Variants in SPON1 observed in about 807,000 individuals in gnomAD.
The protein encoded by SPON1 is spondin-1.
A neutral mutation model predicts 111.7 loss-of-function variants in SPON1; 52 were observed. The observed-to-expected ratio is 0.47, with a 90% CI of 0.37 to 0.59. The LOEUF (loss-of-function observed/expected upper bound fraction) is 0.59, where lower values mean the gene tolerates loss of function less well. SPON1 is among the 20% of genes least tolerant of loss of function. The pLI is 0.00. For synonymous variants in SPON1, 410 were observed against 395.8 expected (o/e 1.04, Z -0.43); for missense variants, 957 against 1,068.5 (o/e 0.90, Z 1.46).
chr11:14,256,738 A>T (rs1334590428), intron 10 of SPON1, 46 bp downstream of exon 10: 1 of 1,487,920 alleles, frequency 6.7e-7, no homozygotes, highest in Non-Finnish European at 9.3e-7. Context: ...AATTGACATA[A>T]CCCTTTGAGA....
chr11:14,061,564 C>T (rs572077552), intron 3 of SPON1, among the ~76,000 whole-genome samples: 5 of 152,304 alleles, frequency 3.3e-5, no homozygotes, highest in Admixed American at 3.3e-4. Flanking sequence ...ATATCACTTC[C>T]AGTAAATCAT....
At chr11:13,994,688 G>T (rs1348829780) in intron 2 of SPON1, among the ~76,000 whole-genome samples, 2 of 152,226 alleles carry the variant, frequency 1.3e-5, no homozygotes, top group Non-Finnish European at 2.9e-5. Context: ...GAGAGATTTG[G>T]ATTTATGGCA....
intron 6 of SPON1, among the ~76,000 whole-genome samples, chr11:14,156,712 T>G (rs2133871197): frequency 6.6e-6 from 1 of 152,270 alleles, no homozygotes; most frequent in African/African-American, 2.4e-5. Context: ...TTTCTACATA[T>G]GGCTAGCCAG....
chr11:14,245,092 G>A (rs1848974056), intron 7 of SPON1, among the ~76,000 whole-genome samples: 1 of 152,190 alleles, frequency 6.6e-6, no homozygotes, highest in Admixed American at 6.5e-5. Flanking sequence ...ACAATGTGAG[G>A]AATGTGTGAG....
At position 14,041,658 on chromosome 11, in the gene SPON1, A is replaced by T; in HGVS notation, c.479+4A>T. On this transcript the variant is annotated splice_donor_region_variant and intron_variant, in intron 3 of 15. Transcript: ENST00000576479. Reference sequence around the variant, plus strand: ...GAACAGGCTGCGTGATTCTGAAGTAAGTAAACATGGAATCCTTCCCTGCAG... The same window carrying T: ...GAACAGGCTGCGTGATTCTGAAGTATGTAAACATGGAATCCTTCCCTGCAG... 1 of 1,613,752 alleles carries T rather than the reference A, an allele frequency of 6.2e-7. No homozygotes were observed. Among genetic ancestry groups the T allele is most frequent in the South Asian group, 1.1e-5 (1 of 91,066 alleles).
At chr11:14,063,305 TC>T (rs1404683285) in intron 3 of SPON1, among the ~76,000 whole-genome samples, 4 of 152,132 alleles carry the variant, frequency 2.6e-5, no homozygotes, top group African/African-American at 9.7e-5. Flanking sequence ...TAAAAAAAAT[TC>T]ATCATTTACA....
chr11:14,128,113 A>G (rs1049678330), intron 5 of SPON1, among the ~76,000 whole-genome samples: 9 of 152,130 alleles, frequency 5.9e-5, no homozygotes, highest in African/African-American at 1.9e-4. Context: ...GACCCTCCCA[A>G]ATCTCATGTC....
chr11:14,200,912 G>A (rs1848455355), intron 6 of SPON1, among the ~76,000 whole-genome samples: 1 of 151,278 alleles, frequency 6.6e-6, no homozygotes, highest in Non-Finnish European at 1.5e-5. Flanking sequence ...GAGGATGGTG[G>A]CCGGAAGTTG....
At chr11:13,992,365 A>G (rs1240564733) in intron 2 of SPON1, among the ~76,000 whole-genome samples, 1 of 152,042 alleles carries the variant, frequency 6.6e-6, no homozygotes, top group Non-Finnish European at 1.5e-5. Context: ...TGACCATAAA[A>G]CTGTCTACTC....
intron 6 of SPON1, among the ~76,000 whole-genome samples, chr11:14,171,349 G>A (rs1591398321): frequency 6.6e-6 from 1 of 152,060 alleles, no homozygotes; most frequent in East Asian, 1.9e-4. Flanking sequence ...TATCCCCTTT[G>A]TCATTTTTTA....
intron 2 of SPON1, among the ~76,000 whole-genome samples, chr11:14,003,504 G>A (rs1228766735): frequency 6.6e-6 from 1 of 152,098 alleles, no homozygotes; most frequent in African/African-American, 2.4e-5. Flanking sequence ...CTTTGTCAGT[G>A]TCTGGGAATG....
At chr11:14,245,503 G>A (rs150017751) in intron 7 of SPON1, among the ~76,000 whole-genome samples, 472 of 152,296 alleles carry the variant, frequency 3.1e-3, no homozygotes, top group South Asian at 8.9e-3. Context: ...AAATGTTAGG[G>A]TGAGGAATGG....
chr11:14,006,042 G>A (rs992190038), intron 2 of SPON1, among the ~76,000 whole-genome samples: 2 of 152,104 alleles, frequency 1.3e-5, no homozygotes, highest in African/African-American at 2.4e-5. Flanking sequence ...ATTATTATTA[G>A]GGTAACATTA....
chr11:14,098,654 G>C (rs1281270108), intron 5 of SPON1, among the ~76,000 whole-genome samples: 1 of 6,384 alleles, frequency 1.6e-4, no homozygotes, highest in Non-Finnish European at 2.9e-4. Context: ...ATGAAAGGCA[G>C]AGAGAGAGAG....
At chr11:14,175,938 C>T (rs1591400364) in intron 6 of SPON1, among the ~76,000 whole-genome samples, 1 of 152,292 alleles carries the variant, frequency 6.6e-6, no homozygotes, top group East Asian at 1.9e-4. Flanking sequence ...ACACACATAA[C>T]AAAACAGACA....
At chr11:14,220,103 A>AAAC (rs1848665502) in intron 6 of SPON1, among the ~76,000 whole-genome samples, 1 of 151,970 alleles carries the variant, frequency 6.6e-6, no homozygotes, top group African/African-American at 2.4e-5. Flanking sequence ...AAAAAAAAAA[A>AAAC]AAACTTTCCT....
At chr11:14,069,696 G>A (rs1848860228) in intron 3 of SPON1, among the ~76,000 whole-genome samples, 1 of 152,078 alleles carries the variant, frequency 6.6e-6, no homozygotes, top group Non-Finnish European at 1.5e-5. Flanking sequence ...TTCAGCATAT[G>A]TTTTTGAGTG....
chr11:14,247,834 G>T (rs1849009447), intron 7 of SPON1, among the ~76,000 whole-genome samples: 1 of 152,232 alleles, frequency 6.6e-6, no homozygotes, highest in African/African-American at 2.4e-5. Context: ...TTTCCAGTTA[G>T]AGGTGTTAAG....
chr11:14,214,852 G>T (rs1241283750), intron 6 of SPON1, among the ~76,000 whole-genome samples: 1 of 152,136 alleles, frequency 6.6e-6, no homozygotes, highest in African/African-American at 2.4e-5. Context: ...GAGGATGAAG[G>T]GGATGTGTTT....
Sources: allele counts gnomAD v4.1 joint callset (sites outside exome capture counted in the v4.1 genomes callset), GRCh38; gene constraint gnomAD v4.1.1; transcripts MANE v1.5; gene names NCBI Gene and HGNC (gene_info 2026-07-23, HGNC 2026-07-21).